The following TMEM38A variants were observed in gnomAD, a reference collection of about 807,000 sequenced individuals.
The protein encoded by TMEM38A is transmembrane protein 38A.
TMEM38A carries 17 observed loss-of-function variants against 28.6 expected under a neutral mutation model. That is an observed-to-expected ratio of 0.60 (90% CI 0.41 to 0.89). The LOEUF (loss-of-function observed/expected upper bound fraction) is 0.89, where lower values mean the gene tolerates loss of function less well. TMEM38A is among the 40% of genes least tolerant of loss of function. The pLI, the probability that TMEM38A is intolerant of heterozygous loss-of-function variation, is 0.00. For missense variants in TMEM38A, 328 were observed against 393.1 expected, an observed-to-expected ratio of 0.83 and a Z score of 1.40; for synonymous variants, 169 against 166.1, an observed-to-expected ratio of 1.02 and a Z score of -0.14.
chr19:16,675,935 G>C (rs2086749048), intron 1 of TMEM38A, among the ~76,000 whole-genome samples: 1 of 151,980 alleles, frequency 6.6e-6, no homozygotes, highest in Non-Finnish European at 1.5e-5. Context: ...AGCGGGGAGG[G>C]GTAGGATTTC....
intron 4 of TMEM38A, 114 bp downstream of exon 4, chr19:16,682,622 A>T: frequency 1.1e-6 from 1 of 880,114 alleles, no homozygotes; most frequent in African/African-American, 1.6e-5. Context: ...TCTGCCTTTC[A>T]GGAGCTTTCA....
At chr19:16,666,566 G>A (rs1568312691) in intron 1 of TMEM38A, among the ~76,000 whole-genome samples, 1 of 152,008 alleles carries the variant, frequency 6.6e-6, no homozygotes, top group South Asian at 2.1e-4. Context: ...GAGCAACTGT[G>A]CCTGGCTGGG....
intron 5 of TMEM38A, among the ~76,000 whole-genome samples, chr19:16,686,942 G>A (rs2086804411): frequency 3.9e-5 from 6 of 152,162 alleles, no homozygotes; most frequent in Admixed American, 3.9e-4. Flanking sequence ...CTGGGATCCT[G>A]TCCTGCTATG....
intron 1 of TMEM38A, among the ~76,000 whole-genome samples, chr19:16,668,636 G>A (rs994430720): frequency 2.0e-5 from 3 of 151,742 alleles, no homozygotes; most frequent in South Asian, 2.1e-4. Context: ...CACTGCACCC[G>A]GCCAACCACT....
intron 1 of TMEM38A, among the ~76,000 whole-genome samples, chr19:16,675,705 C>T (rs989206993): frequency 2.0e-5 from 3 of 151,924 alleles, no homozygotes; most frequent in Non-Finnish European, 4.4e-5. Flanking sequence ...CCTCCCGCAA[C>T]GCCCAGCTAA....
In TMEM38A at chr19:16,688,013, C is replaced by T. The variant is rs1223942597; in HGVS notation, c.673-131C>T. 4.9e-6 allele frequency: 3 copies of T among 614,084 alleles called. No individual in the cohort carries two copies. The African/African-American group carries it at 5.7e-5, about 12-fold the overall frequency. 38.0% of individuals were successfully genotyped at this position (614,084 alleles called of 1,614,324 possible). ...GGTGCATGCAGCCAGAGGGCTGGGT[C>T]TGGGCTACCTCCAACCTTGACTTTG... On this transcript the variant is annotated intron_variant, in intron 5 of 5. Transcript: ENST00000187762.
chr19:16,680,336 C>T, intron 2 of TMEM38A, 61 bp from the exon 3 acceptor site: 1 of 1,590,318 alleles, frequency 6.3e-7, no homozygotes, highest in Non-Finnish European at 8.6e-7. Context: ...AACCACAGCT[C>T]CCTACCCCCA....
At chr19:16,676,725 A>G (rs1211575417) in intron 1 of TMEM38A, among the ~76,000 whole-genome samples, 1 of 149,524 alleles carries the variant, frequency 6.7e-6, no homozygotes, top group Non-Finnish European at 1.5e-5. Flanking sequence ...AGACATTAAT[A>G]CTGTACCCCG....
chr19:16,677,537 G>T (rs1599389364), intron 1 of TMEM38A, among the ~76,000 whole-genome samples: 1 of 150,982 alleles, frequency 6.6e-6, no homozygotes, highest in Non-Finnish European at 1.5e-5. Flanking sequence ...GGGTCTCACT[G>T]TGTTGCCCAG....
intron 3 of TMEM38A, 78 bp from the exon 4 acceptor site, chr19:16,682,343 C>T: frequency 8.4e-7 from 1 of 1,188,976 alleles, no homozygotes; most frequent in Non-Finnish European, 1.3e-6. Flanking sequence ...AGTGGAGAGA[C>T]TGCTTCCTTG....
chr19:16,670,511 G>C (rs906262506), intron 1 of TMEM38A, among the ~76,000 whole-genome samples: 1 of 152,146 alleles, frequency 6.6e-6, no homozygotes, highest in African/African-American at 2.4e-5. Context: ...TTTCCGCACT[G>C]TTCCAGAAAT....
chr19:16,687,851 T>G (rs1012946355), intron 5 of TMEM38A, among the ~76,000 whole-genome samples: 14 of 152,130 alleles, frequency 9.2e-5, no homozygotes, highest in African/African-American at 3.4e-4. Flanking sequence ...TAGCACAGCT[T>G]TTCTCTGAGC....
chr19:16,669,756 C>T (rs1159427523), intron 1 of TMEM38A, among the ~76,000 whole-genome samples: 1 of 152,056 alleles, frequency 6.6e-6, no homozygotes, highest in Non-Finnish European at 1.5e-5. Context: ...GTACCCCATG[C>T]TTCATACACC....
chr19:16,671,200 G>GTTTTTTTTTTTTT (rs1568313636), intron 1 of TMEM38A, among the ~76,000 whole-genome samples: 6 of 112,902 alleles, frequency 5.3e-5, no homozygotes, highest in East Asian at 2.9e-4. Context: ...AAGGACCTGG[G>GTTTTTTTTTTTTT]CTTTTTTTTT....
At chr19:16,682,231 G>T (rs2086784748) in intron 3 of TMEM38A, among the ~76,000 whole-genome samples, 190 bp from the exon 4 acceptor site, 1 of 152,020 alleles carries the variant, frequency 6.6e-6, no homozygotes, top group Non-Finnish European at 1.5e-5. Context: ...TTTGCCATAT[G>T]ATCCTCAGCA....
intron 1 of TMEM38A, among the ~76,000 whole-genome samples, chr19:16,667,652 C>G (rs1172381108): frequency 5.3e-5 from 8 of 150,462 alleles, no homozygotes; most frequent in Non-Finnish European, 1.2e-4. Flanking sequence ...AGGTCAGGAT[C>G]GAGACCAGCC....
chr19:16,686,135 C>T (rs922596095), intron 4 of TMEM38A, among the ~76,000 whole-genome samples, 153 bp from the exon 5 acceptor site: 2 of 152,154 alleles, frequency 1.3e-5, no homozygotes, highest in African/African-American at 4.8e-5. Flanking sequence ...TGCACTCCAG[C>T]CTGGGCAACA....
At chr19:16,666,837 C>A (rs1488137470) in intron 1 of TMEM38A, among the ~76,000 whole-genome samples, 1 of 151,768 alleles carries the variant, frequency 6.6e-6, no homozygotes, top group Non-Finnish European at 1.5e-5. Flanking sequence ...CCTGTAATCC[C>A]AGCTACTTGG....
At chr19:16,664,284 G>A (rs1377701036) in intron 1 of TMEM38A, among the ~76,000 whole-genome samples, 1 of 151,988 alleles carries the variant, frequency 6.6e-6, no homozygotes, top group Non-Finnish European at 1.5e-5. Context: ...AGGTGTGGTG[G>A]CGCACGCCTG....
Sources: allele counts gnomAD v4.1 joint callset (sites outside exome capture counted in the v4.1 genomes callset), GRCh38; gene constraint gnomAD v4.1.1; transcripts MANE v1.5; gene names NCBI Gene and HGNC (gene_info 2026-07-23, HGNC 2026-07-21).